Variants in COL25A1 observed in about 807,000 individuals in gnomAD.
COL25A1 encodes collagen type XXV alpha 1 chain, also known as collagen alpha-1(XXV) chain.
COL25A1 carries 103 observed loss-of-function variants against 128.4 expected under a neutral mutation model. The observed-to-expected ratio is 0.80, with a 90% CI of 0.68 to 0.94. COL25A1 has a LOEUF of 0.94. Ranked by LOEUF, COL25A1 falls within the 40% of genes least tolerant of loss-of-function variation. The probability of loss-of-function intolerance (pLI) is 0.00; values close to 1 mark genes in which losing one functional copy is unlikely to be tolerated. For synonymous variants in COL25A1, 279 were observed against 277.2 expected (o/e 1.01, Z -0.06); for missense variants, 745 against 840.0 (o/e 0.89, Z 1.40).
chr4:108,996,447 T>G lies in COL25A1; in HGVS notation c.438+13911A>C, dbSNP rs567092941. On this transcript the variant is annotated intron_variant, in intron 6 of 37. Coordinates refer to ENST00000399132, the MANE Select transcript of COL25A1 (RefSeq NM_198721.4). ...CTATCCTAAACATATATGCACCCAATAGAGGAGCACCCAGATTCATAAAGC... is the reference window on the plus strand; with the variant it reads ...CTATCCTAAACATATATGCACCCAAGAGAGGAGCACCCAGATTCATAAAGC... 2.6e-5 allele frequency among the ~76,000 whole-genome samples: 4 copies of G among 152,146 alleles called. No homozygotes were observed. In the South Asian group the frequency reaches 8.3e-4, roughly 32 times the overall value.
chr4:108,829,349 C>A (rs1732779662), intron 32 of COL25A1, among the ~76,000 whole-genome samples: 1 of 151,874 alleles, frequency 6.6e-6, no homozygotes, highest in Non-Finnish European at 1.5e-5. Context: ...AAAAAACAAC[C>A]AAACAAAATA....
chr4:108,983,707 T>C (rs938584146), intron 6 of COL25A1, among the ~76,000 whole-genome samples: 2 of 151,992 alleles, frequency 1.3e-5, no homozygotes, highest in African/African-American at 4.8e-5. Context: ...GGAGTGAAGC[T>C]GCGGACCTTC....
chr4:109,009,270 C>T (rs560757055), intron 6 of COL25A1, among the ~76,000 whole-genome samples: 1 of 152,172 alleles, frequency 6.6e-6, no homozygotes, highest in South Asian at 2.1e-4. Context: ...TTAATAATTG[C>T]CTTGAACCAA....
At chr4:109,199,661 T>C (rs191852237) in intron 3 of COL25A1, among the ~76,000 whole-genome samples, 234 of 152,300 alleles carry the variant, frequency 1.5e-3, no homozygotes, top group Non-Finnish European at 3.1e-3. Context: ...ATCAGAGATA[T>C]TTACAAACAC....
chr4:108,865,148 A>T (rs932615351), intron 20 of COL25A1, among the ~76,000 whole-genome samples: 5 of 152,174 alleles, frequency 3.3e-5, no homozygotes, highest in African/African-American at 1.2e-4. Flanking sequence ...CTTCTTGCAT[A>T]AGGGGTAGAA....
chr4:109,065,556 GT>G (rs1762374511), intron 3 of COL25A1, among the ~76,000 whole-genome samples: 2 of 151,372 alleles, frequency 1.3e-5, no homozygotes, highest in African/African-American at 2.4e-5. Context: ...GTGTGTGTGT[GT>G]GTGTGTGTGT....
At chr4:109,267,313 C>T (rs1160608274) in intron 3 of COL25A1, among the ~76,000 whole-genome samples, 1 of 151,990 alleles carries the variant, frequency 6.6e-6, no homozygotes, top group African/African-American at 2.4e-5. Flanking sequence ...AGGTTAAATC[C>T]TGTATTTACC....
At chr4:108,842,996 T>A (rs1277218901) in intron 30 of COL25A1, among the ~76,000 whole-genome samples, 1 of 151,316 alleles carries the variant, frequency 6.6e-6, no homozygotes, top group Non-Finnish European at 1.5e-5. Flanking sequence ...AATACAAAAA[T>A]TAACTGGGCG....
chr4:109,158,192 C>G (rs569665897), intron 3 of COL25A1, among the ~76,000 whole-genome samples: 75 of 151,740 alleles, frequency 4.9e-4, no homozygotes, highest in Non-Finnish European at 9.9e-4. Flanking sequence ...AATTAAAAAA[C>G]AAAAAGAAAA....
chr4:109,301,707 C>T lies in COL25A1; in HGVS notation c.297+16G>A, dbSNP rs1725553958. Reference sequence around the variant, plus strand: ...CAAGATGTTACCCACGTGCAAAATACCCCAGCCTCTCACACCTGAGCCAGA... The same window carrying T: ...CAAGATGTTACCCACGTGCAAAATATCCCAGCCTCTCACACCTGAGCCAGA... On this transcript the variant is annotated intron_variant, in intron 2 of 37. Transcript: ENST00000399132. 1 of 1,606,388 alleles carries T rather than the reference C, an allele frequency of 6.2e-7. No individual in the cohort carries two copies. Among genetic ancestry groups the T allele is most frequent in the Non-Finnish European group, 8.5e-7 (1 of 1,175,208 alleles).
intron 3 of COL25A1, among the ~76,000 whole-genome samples, chr4:109,110,459 G>A (rs1328713396): frequency 6.6e-6 from 1 of 152,040 alleles, no homozygotes; most frequent in Non-Finnish European, 1.5e-5. Flanking sequence ...TCTGTTAGCT[G>A]TTTTTCTTGC....
intron 8 of COL25A1, among the ~76,000 whole-genome samples, chr4:108,972,752 T>C (rs192157007): frequency 3.3e-5 from 5 of 152,294 alleles, no homozygotes; most frequent in Admixed American, 6.5e-5. Context: ...GTGTGAAAAC[T>C]GGCTGAAATC....
intron 30 of COL25A1, among the ~76,000 whole-genome samples, chr4:108,843,762 T>C (rs1734739152): frequency 1.3e-5 from 2 of 152,160 alleles, no homozygotes; most frequent in Non-Finnish European, 2.9e-5. Context: ...TGACACATAA[T>C]AACTATATAT....
intron 6 of COL25A1, among the ~76,000 whole-genome samples, chr4:108,995,197 T>C (rs950714605): frequency 3.3e-5 from 5 of 152,158 alleles, no homozygotes; most frequent in African/African-American, 1.2e-4. Context: ...TTTTAACCCG[T>C]TACAAGGAAG....
chr4:109,082,879 A>C (rs114226439), intron 3 of COL25A1, among the ~76,000 whole-genome samples: 3,123 of 152,278 alleles, frequency 0.021, 45 homozygotes, highest in Non-Finnish European at 0.029. Context: ...TACTAAGCCT[A>C]ATACCCAATA....
intron 5 of COL25A1, among the ~76,000 whole-genome samples, chr4:109,030,988 C>T (rs948530832): frequency 3.9e-5 from 6 of 152,130 alleles, no homozygotes; most frequent in African/African-American, 1.4e-4. Context: ...ATCCACCTAC[C>T]TCAGCCTCCC....
At chr4:108,967,777 G>A (rs989490026) in intron 8 of COL25A1, among the ~76,000 whole-genome samples, 2 of 152,108 alleles carry the variant, frequency 1.3e-5, no homozygotes, top group Admixed American at 6.6e-5. Flanking sequence ...TATTATGTGA[G>A]GTCTTATTTC....
At chr4:109,017,884 G>C (rs1378551808) in intron 5 of COL25A1, among the ~76,000 whole-genome samples, 1 of 152,050 alleles carries the variant, frequency 6.6e-6, no homozygotes, top group Non-Finnish European at 1.5e-5. Context: ...AGAAACCCAA[G>C]CTTGACTACT....
chr4:109,053,779 T>C (rs1219817821), intron 3 of COL25A1, among the ~76,000 whole-genome samples: 2 of 152,172 alleles, frequency 1.3e-5, no homozygotes, highest in African/African-American at 4.8e-5. Flanking sequence ...ACAGGAAGCA[T>C]TTAGAGAAAA....
Sources: allele counts gnomAD v4.1 joint callset (sites outside exome capture counted in the v4.1 genomes callset), GRCh38; gene constraint gnomAD v4.1.1; transcripts MANE v1.5; gene names NCBI Gene and HGNC (gene_info 2026-07-23, HGNC 2026-07-21).